MALRD1: variants seen among roughly 807,000 people sequenced by gnomAD.
MALRD1 encodes MAM and LDL receptor class A domain containing 1.
MALRD1 carries 247 observed loss-of-function variants against 242.1 expected under a neutral mutation model. That is an observed-to-expected ratio of 1.02 (90% CI 0.92 to 1.13). MALRD1 has a LOEUF of 1.13. Among genes scored for constraint, MALRD1 ranks in the 50% most tolerant of loss-of-function variants. The pLI, the probability that MALRD1 is intolerant of heterozygous loss-of-function variation, is 0.00. For synonymous variants in MALRD1, 995 were observed against 866.6 expected (o/e 1.15, Z -2.60); for missense variants, 2,989 against 2,533.1 (o/e 1.18, Z -3.86).
At chr10:19,628,984 C>T (rs1839797455) in intron 36 of MALRD1, among the ~76,000 whole-genome samples, 1 of 152,090 alleles carries the variant, frequency 6.6e-6, no homozygotes. Context: ...GAAGGTGAAG[C>T]AACAAACTGC....
At chr10:19,288,633 C>G (rs1452186476) in intron 21 of MALRD1, among the ~76,000 whole-genome samples, 2 of 152,044 alleles carry the variant, frequency 1.3e-5, no homozygotes, top group African/African-American at 4.8e-5. Context: ...GGTTCCGTAA[C>G]TAGTATCTTT....
Position 19,114,480 on chromosome 10 carries a change from T to C in MALRD1, c.695-9012T>C, listed in dbSNP as rs904415991. Among the ~76,000 whole-genome samples the C allele has an allele frequency of 6.6e-5, 10 of 152,118 alleles. No homozygotes were observed. In the South Asian group the frequency reaches 1.0e-3, roughly 16 times the overall value. On this transcript the variant is annotated intron_variant, in intron 5 of 39. Coordinates refer to ENST00000454679, the MANE Select transcript of MALRD1 (RefSeq NM_001142308.3). ...GGTGAAACCCCATCTCTACTAAAAA[T>C]ACAAAAATTAGCTGGGCATGATGGC...
chr10:19,682,189 C>T (rs547530839), intron 36 of MALRD1, among the ~76,000 whole-genome samples: 14 of 152,202 alleles, frequency 9.2e-5, no homozygotes, highest in South Asian at 2.1e-4. Flanking sequence ...CCAAATTAAT[C>T]GTGAACCCAT....
intron 34 of MALRD1, among the ~76,000 whole-genome samples, chr10:19,603,555 C>G (rs140603391): frequency 0.013 from 2,028 of 152,144 alleles, 44 homozygotes; most frequent in African/African-American, 0.045. Flanking sequence ...TGGTCTATAT[C>G]TCTGTTTTGG....
chr10:19,221,774 G>C (rs551551545), intron 18 of MALRD1, among the ~76,000 whole-genome samples: 3 of 152,080 alleles, frequency 2.0e-5, no homozygotes, highest in African/African-American at 7.2e-5. Context: ...ATTATTATGG[G>C]TCATCTTAAT....
chr10:19,574,883 A>G (rs752058780), intron 33 of MALRD1, among the ~76,000 whole-genome samples: 1 of 152,128 alleles, frequency 6.6e-6, no homozygotes, highest in Non-Finnish European at 1.5e-5. Context: ...TAAAAGTAGA[A>G]ATGTCATTGC....
At chr10:19,488,988 A>G (rs1398405777) in intron 29 of MALRD1, 1 of 448,812 alleles carries the variant, frequency 2.2e-6, no homozygotes, top group Non-Finnish European at 4.5e-6. Context: ...CGGGCTCCCA[A>G]TCCGGTTCTA....
chr10:19,318,411 A>G (rs1479862783), intron 21 of MALRD1, among the ~76,000 whole-genome samples: 1 of 151,582 alleles, frequency 6.6e-6, no homozygotes, highest in African/African-American at 2.4e-5. Context: ...TCAGAGATAT[A>G]TAATATTAGA....
At chr10:19,407,355 A>C (rs911861179) in intron 28 of MALRD1, among the ~76,000 whole-genome samples, 1 of 152,068 alleles carries the variant, frequency 6.6e-6, no homozygotes, top group Non-Finnish European at 1.5e-5. Flanking sequence ...GGTGGTGTGC[A>C]CCTGTAGTCC....
intron 14 of MALRD1, among the ~76,000 whole-genome samples, chr10:19,184,323 G>A (rs1181462717): frequency 6.6e-6 from 1 of 152,182 alleles, no homozygotes; most frequent in African/African-American, 2.4e-5. Flanking sequence ...GAGCTCCAGA[G>A]AGCAGAGCCA....
chr10:19,128,439 A>G (rs1430334900), intron 8 of MALRD1, 52 bp downstream of exon 8: 1 of 1,167,026 alleles, frequency 8.6e-7, no homozygotes, highest in Admixed American at 4.2e-5. Flanking sequence ...TGAAGTTTCT[A>G]ACTCTTGGCA....
chr10:19,311,690 G>T (rs1360701242), intron 21 of MALRD1, among the ~76,000 whole-genome samples: 1 of 151,412 alleles, frequency 6.6e-6, no homozygotes, highest in African/African-American at 2.4e-5. Context: ...GAAATGCAAT[G>T]ATATAATTTT....
At chr10:19,117,156 T>C (rs1000178149) in intron 5 of MALRD1, among the ~76,000 whole-genome samples, 5 of 151,310 alleles carry the variant, frequency 3.3e-5, no homozygotes, top group African/African-American at 1.2e-4. Context: ...GGAGAATTAA[T>C]ATGAGTATAA....
chr10:19,094,869 G>T (rs1039635153), intron 4 of MALRD1, among the ~76,000 whole-genome samples: 5 of 152,134 alleles, frequency 3.3e-5, no homozygotes, highest in African/African-American at 1.2e-4. Context: ...TAAAACTTAT[G>T]CATGGTCGAA....
Position 19,205,000 on chromosome 10 carries a change from C to G in MALRD1, c.2313C>G (p.Gly771=), listed in dbSNP as rs1483775163. 1 of 1,550,806 alleles carries G rather than the reference C, an allele frequency of 6.4e-7. No individual in the cohort carries two copies. The highest frequency in any genetic ancestry group is 2.0e-5 in the Admixed American group (1 of 50,988). Residue 771 remains glycine, a synonymous_variant, in exon 17 of 40, where the codon GGC becomes GGG. Coordinates refer to ENST00000454679, the MANE Select transcript of MALRD1 (RefSeq NM_001142308.3). ...TTTGGAGAGTATTATACAATCAGGG[C>G]AAACAATGGTTGGAGGCAACCATTC... The part of the protein sequence containing the change: ...TVIWRVLYNQ[G]KQWLEATIQL...
chr10:19,715,586 C>T (rs1016371415), intron 38 of MALRD1, among the ~76,000 whole-genome samples: 4 of 152,120 alleles, frequency 2.6e-5, no homozygotes, highest in African/African-American at 9.7e-5. Context: ...TTTGAACCCC[C>T]AGTGCTTAGT....
rs1203776450 is a variant in MALRD1 at position 19,070,818 on chromosome 10, A to G, written c.340+3959A>G. The stretch of plus-strand genomic sequence containing the variant: ...TTGTTTAAGCAGATGATTAAGTTGC[A>G]TAGACTCAAATGACAAACTTTTTTT... On this transcript the variant is annotated intron_variant, in intron 2 of 39. Coordinates refer to ENST00000454679, the MANE Select transcript of MALRD1 (RefSeq NM_001142308.3). Among the ~76,000 whole-genome samples, 6 of 146,650 alleles carry G rather than the reference A, an allele frequency of 4.1e-5. No homozygotes were observed. The East Asian group carries it at 8.0e-4, about 20-fold the overall frequency.
chr10:19,408,780 C>G (rs1833146780), intron 28 of MALRD1, among the ~76,000 whole-genome samples: 1 of 152,034 alleles, frequency 6.6e-6, no homozygotes, highest in Non-Finnish European at 1.5e-5. Context: ...ACGTCAATAC[C>G]AAGTGCTTGG....
chr10:19,118,034 T>G (rs1836932801), intron 5 of MALRD1, among the ~76,000 whole-genome samples: 1 of 152,150 alleles, frequency 6.6e-6, no homozygotes, highest in South Asian at 2.1e-4. Context: ...AAAATATAGT[T>G]TATGTCAAGT....
Sources: gnomAD v4.1 joint callset for allele counts (sites outside exome capture counted in the v4.1 genomes callset) on GRCh38, gnomAD v4.1.1 for gene constraint, MANE v1.5 for transcripts, NCBI Gene and HGNC (gene_info 2026-07-23, HGNC 2026-07-21) for gene names.